RSPO2: variants seen among roughly 807,000 people sequenced by gnomAD.
RSPO2 encodes R-spondin 2.
In RSPO2, 14 loss-of-function variants were observed where a neutral mutation model predicts 30.9. The ratio of observed to expected loss-of-function variants is 0.45; its 90% CI spans 0.30 to 0.71. The LOEUF (loss-of-function observed/expected upper bound fraction) is 0.71, where lower values mean the gene tolerates loss of function less well. RSPO2 is among the 30% of genes least tolerant of loss of function. The probability of loss-of-function intolerance (pLI) is 0.08; values close to 1 mark genes in which losing one functional copy is unlikely to be tolerated. For missense variants in RSPO2, 264 were observed against 301.9 expected (o/e 0.87, Z 0.93); for synonymous variants, 107 against 96.4 (o/e 1.11, Z -0.64).
At chr8:108,081,926 T>C (rs2130742650) in intron 2 of RSPO2, 2 of 984,912 alleles carry the variant, frequency 2.0e-6, no homozygotes, top group Non-Finnish European at 1.2e-6. Flanking sequence ...ATTCAGAAAG[T>C]TCCCATCTCG....
intron 2 of RSPO2, among the ~76,000 whole-genome samples, chr8:108,021,758 C>A (rs1218269550): frequency 2.1e-5 from 3 of 146,258 alleles, no homozygotes; most frequent in Non-Finnish European, 4.5e-5. Context: ...CATCACACAC[C>A]GGGGCCTGTC....
intron 2 of RSPO2, among the ~76,000 whole-genome samples, chr8:108,029,365 T>G (rs1156650803): frequency 6.6e-6 from 1 of 152,110 alleles, no homozygotes; most frequent in African/African-American, 2.4e-5. Context: ...GGATTATGGA[T>G]AGATGCTGTT....
intron 2 of RSPO2, among the ~76,000 whole-genome samples, chr8:108,010,041 CCTGT>C (rs965210683): frequency 1.3e-5 from 2 of 150,824 alleles, no homozygotes; most frequent in Admixed American, 6.6e-5. Context: ...AGAATAAGGC[CCTGT>C]CTCAGAAAAT....
At chr8:108,019,371 T>G (rs899014081) in intron 2 of RSPO2, among the ~76,000 whole-genome samples, 5 of 151,726 alleles carry the variant, frequency 3.3e-5, no homozygotes, top group African/African-American at 1.2e-4. Context: ...TAATAATAAA[T>G]TAAGGTAAAA....
At chr8:107,941,371 T>C (rs1586563129) in intron 5 of RSPO2, among the ~76,000 whole-genome samples, 1 of 152,298 alleles carries the variant, frequency 6.6e-6, no homozygotes, top group East Asian at 1.9e-4. Flanking sequence ...ATGCTTTGTC[T>C]AGATTGCAAT....
chr8:107,930,091 A>G (rs1812506256), intron 5 of RSPO2, among the ~76,000 whole-genome samples: 1 of 152,220 alleles, frequency 6.6e-6, no homozygotes, highest in African/African-American at 2.4e-5. Context: ...ATTGCTAATT[A>G]CCATTAATAT....
chr8:107,963,209 C>A (rs1300692731), intron 3 of RSPO2, among the ~76,000 whole-genome samples: 1 of 148,566 alleles, frequency 6.7e-6, no homozygotes, highest in South Asian at 2.2e-4. Context: ...TAAGTAATGA[C>A]CTGAAAAACC....
intron 5 of RSPO2, among the ~76,000 whole-genome samples, chr8:107,951,821 T>A (rs2130412054): frequency 1.3e-5 from 2 of 152,220 alleles, no homozygotes; most frequent in South Asian, 2.1e-4. Flanking sequence ...CACCCCCTCA[T>A]CCTCCACGTT....
At chr8:108,017,161 C>T (rs566370240) in intron 2 of RSPO2, among the ~76,000 whole-genome samples, 33 of 151,988 alleles carry the variant, frequency 2.2e-4, no homozygotes, top group African/African-American at 7.2e-4. Context: ...GGACTACAGG[C>T]GCCCACCACC....
intron 2 of RSPO2, among the ~76,000 whole-genome samples, chr8:108,008,541 A>C (rs1278423523): frequency 6.6e-6 from 1 of 152,172 alleles, no homozygotes; most frequent in Non-Finnish European, 1.5e-5. Flanking sequence ...CTTACAAACC[A>C]CTGCAATCTC....
chr8:108,057,754 C>T (rs956421440), intron 2 of RSPO2, among the ~76,000 whole-genome samples: 2 of 152,106 alleles, frequency 1.3e-5, no homozygotes, highest in African/African-American at 4.8e-5. Flanking sequence ...AGTTCTATTC[C>T]CTGACTTGCA....
At chr8:108,000,095 A>G (rs1489082360) in intron 2 of RSPO2, among the ~76,000 whole-genome samples, 4 of 152,218 alleles carry the variant, frequency 2.6e-5, no homozygotes, top group Non-Finnish European at 5.9e-5. Context: ...ACTACGGTTC[A>G]AGGAAAGACG....
chr8:107,989,479 A>G (rs1317317714), intron 2 of RSPO2: 4 of 454,920 alleles, frequency 8.8e-6, no homozygotes, highest in African/African-American at 6.2e-5. Flanking sequence ...CAGAAGCTAA[A>G]GCTGAATGGC....
At chr8:107,981,335 A>G (rs1814424060) in intron 3 of RSPO2, among the ~76,000 whole-genome samples, 2 of 152,124 alleles carry the variant, frequency 1.3e-5, no homozygotes, top group Non-Finnish European at 2.9e-5. Flanking sequence ...CCTGGGCAAC[A>G]TGGCAAAACT....
At chr8:108,021,473 A>T (rs919583335) in intron 2 of RSPO2, among the ~76,000 whole-genome samples, 1 of 152,162 alleles carries the variant, frequency 6.6e-6, no homozygotes, top group Non-Finnish European at 1.5e-5. Flanking sequence ...AGTTTAAAGC[A>T]TCAATGTAAA....
At chr8:108,009,883 C>T (rs1810642155) in intron 2 of RSPO2, among the ~76,000 whole-genome samples, 1 of 151,880 alleles carries the variant, frequency 6.6e-6, no homozygotes. Flanking sequence ...AACTCCATCT[C>T]TACAAAAATA....
intron 2 of RSPO2, among the ~76,000 whole-genome samples, chr8:108,076,356 T>C (rs574801017): frequency 1.3e-5 from 2 of 152,164 alleles, no homozygotes; most frequent in Admixed American, 6.5e-5. Flanking sequence ...AGAAGTAATA[T>C]GATCAGATCT....
intron 2 of RSPO2, among the ~76,000 whole-genome samples, chr8:108,049,188 G>A (rs189459255): frequency 5.6e-4 from 85 of 151,758 alleles, no homozygotes; most frequent in Non-Finnish European, 1.0e-3. Context: ...CATGGCACAC[G>A]TATACCTATG....
intron 3 of RSPO2, among the ~76,000 whole-genome samples, chr8:107,964,622 T>C (rs1045544369): frequency 4.6e-5 from 7 of 152,108 alleles, no homozygotes; most frequent in African/African-American, 1.7e-4. Flanking sequence ...TGATGACCTT[T>C]CCTCAGCAGC....
Sources: gnomAD v4.1 joint callset for allele counts (sites outside exome capture counted in the v4.1 genomes callset) on GRCh38, gnomAD v4.1.1 for gene constraint, MANE v1.5 for transcripts, NCBI Gene and HGNC (gene_info 2026-07-23, HGNC 2026-07-21) for gene names.